SLC71A2: variants seen among roughly 807,000 people sequenced by gnomAD.
The protein encoded by SLC71A2 is solute carrier family 71 member 2, also known as hippocampus abundant transcript-like 1.
chr9:94,446,907 T>C, the SLC71A2 span: 2 of 1,607,176 alleles, frequency 1.2e-6, no homozygotes, highest in Non-Finnish European at 1.7e-6. Context: ...AGCTGGACAG[T>C]ATTCAAGTTT....
the SLC71A2 span, among the ~76,000 whole-genome samples, chr9:94,394,363 G>A: frequency 2.2e-5 from 2 of 92,110 alleles, no homozygotes; most frequent in Admixed American, 2.4e-4. Context: ...AAATTGCAAA[G>A]TCTTCAAGTA....
chr9:94,454,202 AT>A, the SLC71A2 span: 1 of 626,528 alleles, frequency 1.6e-6, no homozygotes, highest in Non-Finnish European at 2.9e-6. Context: ...TGCAGAAACC[AT>A]TAGGCTTTAA....
chr9:94,401,603 T>C, the SLC71A2 span, among the ~76,000 whole-genome samples: 1 of 152,048 alleles, frequency 6.6e-6, no homozygotes, highest in Non-Finnish European at 1.5e-5. Flanking sequence ...AGAAATCTGA[T>C]GGAAAGACAG....
the SLC71A2 span, among the ~76,000 whole-genome samples, chr9:94,454,487 G>C: frequency 1.1e-4 from 16 of 151,050 alleles, no homozygotes; most frequent in African/African-American, 3.5e-4. Flanking sequence ...CCTGCCTCAG[G>C]CTCCTGAGTA....
the SLC71A2 span, among the ~76,000 whole-genome samples, chr9:94,376,575 C>A: frequency 1.4e-5 from 2 of 146,948 alleles, no homozygotes; most frequent in Non-Finnish European, 3.0e-5. Flanking sequence ...AGTGATTAGA[C>A]GAGCATGCTT....
At chr9:94,431,560 A>T in the SLC71A2 span, among the ~76,000 whole-genome samples, 1 of 152,026 alleles carries the variant, frequency 6.6e-6, no homozygotes, top group African/African-American at 2.4e-5. Context: ...AGAAAAGCCA[A>T]GTTAAAATGC....
chr9:94,381,868 T>C, the SLC71A2 span, among the ~76,000 whole-genome samples: 3 of 152,228 alleles, frequency 2.0e-5, no homozygotes, highest in Admixed American at 6.5e-5. Flanking sequence ...TGTACAGTTG[T>C]ACATTGCAGC....
At chr9:94,439,813 TTTTG>T in the SLC71A2 span, among the ~76,000 whole-genome samples, 5 of 152,078 alleles carry the variant, frequency 3.3e-5, no homozygotes, top group African/African-American at 1.2e-4. Context: ...ATTTTATCCT[TTTTG>T]TTCTGCTACA....
At chr9:94,454,568 G>A in the SLC71A2 span, among the ~76,000 whole-genome samples, 29,013 of 147,864 alleles carry the variant, frequency 0.2, 3,001 homozygotes, top group African/African-American at 0.29. Context: ...GTTTCACCAT[G>A]TTGGCCAGGC....
At chr9:94,391,436 CA>C in the SLC71A2 span, among the ~76,000 whole-genome samples, 1 of 150,324 alleles carries the variant, frequency 6.7e-6, no homozygotes, top group African/African-American at 2.4e-5. Flanking sequence ...GAGCTAGAAG[CA>C]GATTGAATTT....
At chr9:94,409,076 G>A in the SLC71A2 span, among the ~76,000 whole-genome samples, 6 of 147,020 alleles carry the variant, frequency 4.1e-5, no homozygotes, top group East Asian at 4.0e-4. Flanking sequence ...CTCGTGATCC[G>A]CCTGCCTCGG....
At chr9:94,413,769 G>T in the SLC71A2 span, among the ~76,000 whole-genome samples, 1 of 151,990 alleles carries the variant, frequency 6.6e-6, no homozygotes, top group African/African-American at 2.4e-5. Context: ...GGAACTCAGC[G>T]AGAGTTCTTC....
the SLC71A2 span, among the ~76,000 whole-genome samples, chr9:94,391,811 C>T: frequency 1.3e-5 from 2 of 151,316 alleles, no homozygotes; most frequent in East Asian, 2.0e-4. Context: ...ATCCCTTGAA[C>T]GAGGTTGCAG....
chr9:94,450,688 G>A, the SLC71A2 span, among the ~76,000 whole-genome samples: 76,847 of 151,332 alleles, frequency 0.51, 19,707 homozygotes, highest in Admixed American at 0.6. Context: ...ACGGGGTGTC[G>A]CCATGTTGGT....
the SLC71A2 span, among the ~76,000 whole-genome samples, chr9:94,439,021 C>CTTTTTT: frequency 1.7e-4 from 13 of 75,842 alleles, no homozygotes; most frequent in Admixed American, 3.2e-4. Context: ...AATTTGAGTT[C>CTTTTTT]GTTTTTTTTT....
chr9:94,403,506 T>TC, the SLC71A2 span, among the ~76,000 whole-genome samples: 33 of 151,960 alleles, frequency 2.2e-4, no homozygotes, highest in African/African-American at 7.7e-4. Context: ...CAGTTTCCTT[T>TC]TTTTTTTTTT....
chr9:94,379,162 C>T, the SLC71A2 span, among the ~76,000 whole-genome samples: 3 of 148,862 alleles, frequency 2.0e-5, no homozygotes, highest in African/African-American at 7.5e-5. Flanking sequence ...TCTTGGCTCA[C>T]TACAGCCTCT....
the SLC71A2 span, among the ~76,000 whole-genome samples, chr9:94,451,739 T>C: frequency 1.3e-5 from 2 of 152,238 alleles, 1 homozygote; most frequent in South Asian, 4.1e-4. Context: ...TTCCTTCTTA[T>C]ATAATGTGTA....
chr9:94,421,640 C>A, the SLC71A2 span, among the ~76,000 whole-genome samples: 1 of 152,138 alleles, frequency 6.6e-6, no homozygotes, highest in South Asian at 2.1e-4. Flanking sequence ...CCAAGAGGAC[C>A]ATTTTCTGTG....
Sources: allele counts gnomAD v4.1 joint callset (sites outside exome capture counted in the v4.1 genomes callset), GRCh38; gene constraint gnomAD v4.1.1; transcripts MANE v1.5; gene names NCBI Gene and HGNC (gene_info 2026-07-23, HGNC 2026-07-21).